The following KIF6 variants were observed in gnomAD, a reference collection of about 807,000 sequenced individuals.
KIF6 encodes kinesin-like protein KIF6.
KIF6 carries 106 observed loss-of-function variants against 112.7 expected under a neutral mutation model. That is an observed-to-expected ratio of 0.94 (90% CI 0.80 to 1.11). The LOEUF is 1.11. Among genes scored for constraint, KIF6 ranks in the 50% least tolerant of loss-of-function variants. KIF6 has a pLI of 0.00. For missense variants in KIF6, 929 were observed against 964.0 expected (o/e 0.96, Z 0.48); for synonymous variants, 339 against 339.9 (o/e 1.00, Z 0.03).
chr6:39,591,343 G>A (rs1781943663), intron 7 of KIF6, among the ~76,000 whole-genome samples: 2 of 152,218 alleles, frequency 1.3e-5, no homozygotes, highest in South Asian at 4.1e-4. Flanking sequence ...TGGAGAAAAT[G>A]AAGGCAGTCA....
intron 3 of KIF6, among the ~76,000 whole-genome samples, chr6:39,643,269 C>T (rs769525129): frequency 1.1e-4 from 17 of 151,998 alleles, no homozygotes; most frequent in Non-Finnish European, 1.9e-4. Context: ...TACATTTGTG[C>T]GATTTCTATC....
chr6:39,346,486 A>C lies in KIF6; in HGVS notation c.2221T>G (p.Phe741Val). Residue 741 changes from phenylalanine (F) to valine (V), a missense_variant, in exon 20 of 23, where the codon TTC becomes GTC. Phe to Val is a conservative substitution (Grantham distance 50). Transcript: ENST00000287152. ...GAAGGGGGTCCTCACCAGACATCGA[A>C]TCTGCCAGTGCCTTGATCTTGGACT... ...WEVQDQGTGRFDVCDVNARKI... is the reference protein window; with the variant it reads ...WEVQDQGTGRVDVCDVNARKI... 2.8e-6 allele frequency: 2 copies of C among 715,842 alleles called. No homozygotes were observed. Among genetic ancestry groups the C allele is most frequent in the Non-Finnish European group, 5.2e-6 (2 of 384,980 alleles). 44.3% of individuals were successfully genotyped at this position (715,842 alleles called of 1,614,324 possible). A position where few individuals can be genotyped will look rare whatever the true frequency, so the allele number is the denominator to read the frequency against.
chr6:39,343,266 A>C lies in KIF6; in HGVS notation c.2428+443T>G, dbSNP rs1035086904. On this transcript the variant is annotated intron_variant, in intron 22 of 22. Transcript: ENST00000287152. This position sits in a 1 kb window ranked among gnomAD's most constrained non-coding sequence, Gnocchi z 4.1. ...TGTCCTCGGGCCTGGGCCTTCAAGCAGTGTTTACACTCACAGCTCTTTGGC... is the reference window on the plus strand; with the variant it reads ...TGTCCTCGGGCCTGGGCCTTCAAGCCGTGTTTACACTCACAGCTCTTTGGC... The C allele has an allele frequency of 7.8e-7, 1 of 1,284,232 alleles. No individual in the cohort carries two copies. 79.6% of individuals were successfully genotyped at this position (1,284,232 alleles called of 1,614,324 possible).
chr6:39,420,406 G>T (rs111239189), intron 14 of KIF6, among the ~76,000 whole-genome samples: 283 of 152,228 alleles, frequency 1.9e-3, no homozygotes, highest in African/African-American at 6.5e-3. Context: ...TATATCAGAG[G>T]TTGTAAAACT....
intron 3 of KIF6, among the ~76,000 whole-genome samples, chr6:39,681,022 T>A (rs1787480716): frequency 6.6e-6 from 1 of 152,128 alleles, no homozygotes; most frequent in Non-Finnish European, 1.5e-5. Context: ...TGTGTCTGTC[T>A]GAGAAAGCCA....
intron 13 of KIF6, among the ~76,000 whole-genome samples, chr6:39,534,156 T>C (rs1022912965): frequency 6.6e-6 from 1 of 152,026 alleles, no homozygotes; most frequent in Admixed American, 6.6e-5. Context: ...GCAGAGCACC[T>C]CTCCTCCTCC....
intron 3 of KIF6, among the ~76,000 whole-genome samples, chr6:39,677,952 T>A (rs1449267563): frequency 6.8e-6 from 1 of 147,622 alleles, no homozygotes; most frequent in Non-Finnish European, 1.5e-5. Context: ...TTTGGGTTGG[T>A]TCCAAGTCTT....
chr6:39,555,583 G>A (rs894597754), intron 10 of KIF6, among the ~76,000 whole-genome samples: 71 of 152,224 alleles, frequency 4.7e-4, no homozygotes, highest in African/African-American at 1.5e-3. Flanking sequence ...AACCTCCCAC[G>A]GTCCCATAGC....
At chr6:39,547,301 C>T (rs943334754) in intron 10 of KIF6, among the ~76,000 whole-genome samples, 2 of 152,106 alleles carry the variant, frequency 1.3e-5, no homozygotes, top group Non-Finnish European at 2.9e-5. Context: ...AAGTGTGAGA[C>T]AATTTATACC....
intron 15 of KIF6, among the ~76,000 whole-genome samples, chr6:39,410,122 C>T (rs1769377981): frequency 6.6e-6 from 1 of 152,196 alleles, no homozygotes; most frequent in Admixed American, 6.5e-5. Context: ...TACCAATATG[C>T]CCCTGTGGCT....
Position 39,588,020 on chromosome 6 carries a change from G to A in KIF6, c.847-1616C>T, listed in dbSNP as rs185647686. ...CTCCCTTGGGAAACACTTTGTTCAC[G>A]TGGTAACTGGGACACTACACTTTCC... On this transcript the variant is annotated intron_variant, in intron 7 of 22. Transcript: ENST00000287152. Among the ~76,000 whole-genome samples the A allele has an allele frequency of 5.3e-5, 8 of 152,312 alleles. No individual in the cohort carries two copies. In the East Asian group the frequency reaches 5.8e-4, roughly 11 times the overall value.
intron 9 of KIF6, among the ~76,000 whole-genome samples, chr6:39,584,673 T>A (rs1781517721): frequency 6.6e-6 from 1 of 152,082 alleles, no homozygotes; most frequent in Non-Finnish European, 1.5e-5. Flanking sequence ...TTATTAGCAC[T>A]TATGACTCTG....
chr6:39,691,639 G>A (rs1788216140), intron 3 of KIF6: 1 of 152,084 alleles, frequency 6.6e-6, no homozygotes, highest in Non-Finnish European at 1.5e-5. Flanking sequence ...AAAGCAAAAT[G>A]ACTATTTAAG....
intron 15 of KIF6, among the ~76,000 whole-genome samples, chr6:39,418,289 T>C (rs1770081549): frequency 6.6e-6 from 1 of 152,234 alleles, no homozygotes; most frequent in African/African-American, 2.4e-5. Flanking sequence ...GCCAGCGATC[T>C]TCTGGCAGTC....
intron 13 of KIF6, among the ~76,000 whole-genome samples, chr6:39,533,775 C>A (rs906189725): frequency 3.3e-5 from 5 of 152,176 alleles, no homozygotes; most frequent in African/African-American, 1.2e-4. Flanking sequence ...GGTCCCTGAC[C>A]CCTGACTCCC....
At position 39,662,729 on chromosome 6, in the gene KIF6, T is replaced by G. The variant is rs147615940; in HGVS notation, c.252-22972A>C. Among the ~76,000 whole-genome samples, 10 of 152,246 alleles carry G rather than the reference T, an allele frequency of 6.6e-5. No individual in the cohort carries two copies. In the East Asian group the frequency reaches 1.9e-3, roughly 29 times the overall value. On this transcript the variant is annotated intron_variant, in intron 3 of 22. Coordinates refer to ENST00000287152, the MANE Select transcript of KIF6 (RefSeq NM_145027.6). ...TCTCAAAAAAAATTATCTTGAATAA[T>G]AAAATACTCAAACTGAAAACAAGAT...
At chr6:39,661,192 GA>G (rs1463995728) in intron 3 of KIF6, among the ~76,000 whole-genome samples, 1 of 152,086 alleles carries the variant, frequency 6.6e-6, no homozygotes, top group African/African-American at 2.4e-5. Flanking sequence ...ATTATGCATT[GA>G]TAAAATATTT....
chr6:39,642,192 T>A (rs1054236866), intron 3 of KIF6, among the ~76,000 whole-genome samples: 1 of 152,134 alleles, frequency 6.6e-6, no homozygotes, highest in Non-Finnish European at 1.5e-5. Context: ...GAAAATCCAT[T>A]ACTCCACAAG....
Position 39,343,447 on chromosome 6 carries a change from CAGAG to C in KIF6, c.2428+258_2428+261del. The C allele has an allele frequency of 1.4e-6, 2 of 1,436,662 alleles. No individual in the cohort carries two copies. Among genetic ancestry groups the C allele is most frequent in the Non-Finnish European group, 1.8e-6 (2 of 1,083,758 alleles). The allele number at this position is 1,436,662 out of a possible 1,614,324, so 89.0% of individuals were successfully genotyped here. A position where few individuals can be genotyped will look rare whatever the true frequency, so the allele number is the denominator to read the frequency against. On this transcript the variant is annotated intron_variant, in intron 22 of 22. Coordinates refer to ENST00000287152, the MANE Select transcript of KIF6 (RefSeq NM_145027.6). The surrounding 1 kb of genome is among the most constrained non-coding windows in gnomAD (Gnocchi z 4.1). ...AAAGGAGCTGAAGATCTGGAAGAGA[CAGAG>C]AGCAAGCTCTGCCAAGAGGGACAGG...
Sources: gnomAD v4.1 joint callset for allele counts (sites outside exome capture counted in the v4.1 genomes callset) on GRCh38, gnomAD v4.1.1 for gene constraint, Gnocchi (gnomAD v3.1) non-coding constraint, MANE v1.5 for transcripts, NCBI Gene and HGNC (gene_info 2026-07-23, HGNC 2026-07-21) for gene names.